Variants in BRD4 observed in about 807,000 individuals in gnomAD.
BRD4 encodes bromodomain containing 4.
A neutral mutation model predicts 142.1 loss-of-function variants in BRD4; 16 were observed. The observed-to-expected ratio is 0.11, with a 90% CI of 0.08 to 0.17. The LOEUF is 0.17. BRD4 is among the 10% of genes least tolerant of loss of function. The probability of loss-of-function intolerance (pLI) is 1.00; values close to 1 mark genes in which losing one functional copy is unlikely to be tolerated. For missense variants in BRD4, 1,424 were observed against 1,810.9 expected, an observed-to-expected ratio of 0.79 and a Z score of 3.88; for synonymous variants, 833 against 707.5, an observed-to-expected ratio of 1.18 and a Z score of -2.82.
At chr19:15,298,143 T>A (rs990310153) in intron 1 of BRD4, among the ~76,000 whole-genome samples, 1 of 152,208 alleles carries the variant, frequency 6.6e-6, no homozygotes, top group Non-Finnish European at 1.5e-5. Context: ...GACTTTATTA[T>A]AAGCAACAGT....
chr19:15,265,455 G>T lies in BRD4; in HGVS notation c.748C>A (p.Pro250Thr). ...TGTGGCTGGGGGGGCACTGGCGGGG[G>T]CGTCTGCAGTGGCTGGGGAGGCACC... ...TVVPPQPLQT[P>T]PPVPPQPQPP... The change falls in exon 5 of 20, where the codon CCC becomes ACC. Residue 250 changes from proline to threonine, a missense_variant. Physicochemically the swap from Pro to Thr is conservative, Grantham distance 38. Transcript: ENST00000679869. The T allele has an allele frequency of 1.3e-6, 2 of 1,583,952 alleles. No individual in the cohort carries two copies. Among genetic ancestry groups the T allele is most frequent in the South Asian group, 2.3e-5 (2 of 86,690 alleles).
In BRD4 at chr19:15,255,557, G is replaced by T; in HGVS notation, c.1787C>A (p.Pro596His). 2 of 1,610,858 alleles carry T rather than the reference G, an allele frequency of 1.2e-6. No homozygotes were observed. Among genetic ancestry groups the T allele is most frequent in the Non-Finnish European group, 1.7e-6 (2 of 1,177,210 alleles). The change falls in exon 10 of 20, where the codon CCT becomes CAT. Residue 596 changes from proline (P) to histidine (H), a missense_variant. Physicochemically the swap from Pro to His is moderately conservative, Grantham distance 77. Coordinates refer to ENST00000679869, the MANE Select transcript of BRD4 (RefSeq NM_001379291.1). ...KEPAPMKSKP[P>H]PTYESEEEDK... is the part of the protein sequence containing the mutation. ...CTCTTCCTCCGACTCATACGTGGGA[G>T]GGGGCTTGCTCTTCATGGGCGCTGG... is the stretch of plus-strand genomic sequence containing the variant.
At position 15,237,780 on chromosome 19, in the gene BRD4, C is replaced by T. The variant is rs1006541179; in HGVS notation, c.*597G>A. On this transcript the variant is annotated 3_prime_UTR_variant, in exon 20 of 20. Coordinates refer to ENST00000679869, the MANE Select transcript of BRD4 (RefSeq NM_001379291.1). Reference sequence around the variant, plus strand: ...ACCTCCACGGCACTATTCCCTTTTGCACAAGCAAACACTTACAGAGAGCGG... The same window carrying T: ...ACCTCCACGGCACTATTCCCTTTTGTACAAGCAAACACTTACAGAGAGCGG... The T allele has an allele frequency of 9.9e-5, 23 of 232,336 alleles. No homozygotes were observed. The highest frequency in any genetic ancestry group is 5.1e-4 in the African/African-American group (23 of 45,310). 14.4% of individuals were successfully genotyped at this position (232,336 alleles called of 1,614,324 possible). A position where few individuals can be genotyped will look rare whatever the true frequency, so the allele number is the denominator to read the frequency against.
At chr19:15,305,919 G>C (rs2047909945) in intron 1 of BRD4, among the ~76,000 whole-genome samples, 1 of 152,158 alleles carries the variant, frequency 6.6e-6, no homozygotes, top group Non-Finnish European at 1.5e-5. Flanking sequence ...GCTTCACCTT[G>C]CACTTTTATG....
rs1555734343 is a variant in BRD4, at chr19:15,237,252, G to GC, written c.*1124_*1125insG. The GC allele has an allele frequency of 8.4e-6, 1 of 119,590 alleles. No homozygotes were observed. Among genetic ancestry groups the GC allele is most frequent in the African/African-American group, 3.6e-5 (1 of 27,720 alleles). 7.4% of individuals were successfully genotyped at this position (119,590 alleles called of 1,614,324 possible). ...AAAAAGCCAACAAATGGGTGGGGGGGGGGGGGGTGGAGGGGAAAGAAAAGA... is the reference window on the plus strand; with the variant it reads ...AAAAAGCCAACAAATGGGTGGGGGGGCGGGGGGGTGGAGGGGAAAGAAAAGA... On this transcript the variant is annotated 3_prime_UTR_variant, in exon 20 of 20. Coordinates refer to ENST00000679869, the MANE Select transcript of BRD4 (RefSeq NM_001379291.1).
chr19:15,291,176 A>G (rs2047779645), intron 1 of BRD4, among the ~76,000 whole-genome samples: 1 of 152,066 alleles, frequency 6.6e-6, no homozygotes, highest in Non-Finnish European at 1.5e-5. Context: ...CTATAAGGAG[A>G]TGGTGTTAAG....
intron 1 of BRD4, among the ~76,000 whole-genome samples, chr19:15,299,037 T>TAA (rs1034812847): frequency 3.9e-5 from 6 of 152,308 alleles, no homozygotes; most frequent in African/African-American, 1.4e-4. Flanking sequence ...ACACTTGCAG[T>TAA]AAGTGGGCAC....
chr19:15,249,727 AC>A (rs1439438517), intron 11 of BRD4, among the ~76,000 whole-genome samples: 2 of 151,964 alleles, frequency 1.3e-5, no homozygotes, highest in Non-Finnish European at 2.9e-5. Flanking sequence ...AGCTCATCTC[AC>A]CCAGGGGCTG....
intron 1 of BRD4, among the ~76,000 whole-genome samples, chr19:15,308,479 C>CAG (rs749186844): frequency 6.6e-6 from 1 of 150,808 alleles, no homozygotes; most frequent in Non-Finnish European, 1.5e-5. Context: ...CCCAGCTACT[C>CAG]AGGAGGCTGA....
Position 15,242,418 on chromosome 19 carries a change from C to T in BRD4, c.3169+482G>A, listed in dbSNP as rs573508553. On this transcript the variant is annotated intron_variant, in intron 14 of 19. Transcript: ENST00000679869. ...GACTGGGCTGGAGGCTGGTAACAGG[C>T]GATGAGGACAGGTCCTGGGCGGGCT... Among the ~76,000 whole-genome samples the T allele has an allele frequency of 1.3e-3, 194 of 152,264 alleles. 1 individual carries two copies. The highest frequency in any genetic ancestry group is 1.2e-4 in the Non-Finnish European group (8 of 68,014).
chr19:15,300,713 C>A (rs751154284), intron 1 of BRD4, among the ~76,000 whole-genome samples: 1 of 151,832 alleles, frequency 6.6e-6, no homozygotes, highest in African/African-American at 2.4e-5. Flanking sequence ...ATACAAATCA[C>A]AGCCACACTG....
At chr19:15,291,684 T>G (rs2047782908) in intron 1 of BRD4, among the ~76,000 whole-genome samples, 1 of 152,208 alleles carries the variant, frequency 6.6e-6, no homozygotes, top group Admixed American at 6.5e-5. Context: ...ACACAGGGGC[T>G]TGTGGCTTAC....
In BRD4 at chr19:15,254,152, CTGT is replaced by C; in HGVS notation, c.2155_2157del (p.Thr719del). 2 of 1,613,304 alleles carry C rather than the reference CTGT, an allele frequency of 1.2e-6. No homozygotes were observed. The highest frequency in any genetic ancestry group is 1.7e-6 in the Non-Finnish European group (2 of 1,179,228). On this transcript the variant is annotated inframe_deletion and splice_region_variant, in exon 11 of 20. Coordinates refer to ENST00000679869, the MANE Select transcript of BRD4 (RefSeq NM_001379291.1). ...ACACGTAGAACACAAGTCACCTAAC[CTGT>C]TTCGGAGTCTTCGCTGTCAGAGGAG...
At chr19:15,266,413 G>A (rs946528514) in intron 4 of BRD4, among the ~76,000 whole-genome samples, 5 of 152,188 alleles carry the variant, frequency 3.3e-5, no homozygotes, top group African/African-American at 1.2e-4. Flanking sequence ...GCAAGGGTGA[G>A]ATTCTGCTGA....
At chr19:15,312,460 G>T in intron 1 of BRD4, among the ~76,000 whole-genome samples, 1 of 151,838 alleles carries the variant, frequency 6.6e-6, no homozygotes, top group Non-Finnish European at 1.5e-5. Context: ...GTGAAACCCC[G>T]TCTCTACTAA....
intron 5 of BRD4, among the ~76,000 whole-genome samples, chr19:15,265,144 G>A (rs1473934265): frequency 6.6e-6 from 1 of 152,210 alleles, no homozygotes; most frequent in Non-Finnish European, 1.5e-5. Context: ...AGGTGCAGGG[G>A]GCAGGAACCC....
At chr19:15,287,758 T>C (rs769152167) in intron 1 of BRD4, among the ~76,000 whole-genome samples, 4 of 152,076 alleles carry the variant, frequency 2.6e-5, no homozygotes, top group Admixed American at 6.6e-5. Context: ...TTCATCCACA[T>C]TGTAGCACCT....
chr19:15,262,254 T>C (rs1260490117), intron 7 of BRD4, among the ~76,000 whole-genome samples: 1 of 152,146 alleles, frequency 6.6e-6, no homozygotes, highest in Admixed American at 6.5e-5. Flanking sequence ...TGGAAGCAGA[T>C]GGCTGCGACA....
intron 1 of BRD4, among the ~76,000 whole-genome samples, chr19:15,290,306 A>G (rs1162782188): frequency 6.6e-6 from 1 of 152,186 alleles, no homozygotes; most frequent in Non-Finnish European, 1.5e-5. Flanking sequence ...GACCATTTCA[A>G]TTCTCTTCAA....
Sources: gnomAD v4.1 joint callset for allele counts (sites outside exome capture counted in the v4.1 genomes callset) on GRCh38, gnomAD v4.1.1 for gene constraint, MANE v1.5 for transcripts, NCBI Gene and HGNC (gene_info 2026-07-23, HGNC 2026-07-21) for gene names.